The following PSEN1 variants were observed in gnomAD, a reference collection of about 807,000 sequenced individuals.
PSEN1 encodes the protein presenilin 1.
PSEN1 carries 15 observed loss-of-function variants against 53.5 expected under a neutral mutation model. The ratio of observed to expected loss-of-function variants is 0.28; its 90% CI spans 0.19 to 0.43. The LOEUF (loss-of-function observed/expected upper bound fraction) is 0.43, where lower values mean the gene tolerates loss of function less well. Among genes scored for constraint, PSEN1 ranks in the 20% least tolerant of loss-of-function variants. PSEN1 has a pLI of 1.00. For missense variants in PSEN1, 387 were observed against 571.2 expected (o/e 0.68, Z 3.29); for synonymous variants, 208 against 209.8 (o/e 0.99, Z 0.08).
chr14:73,185,559 C>T (rs570604592), intron 5 of PSEN1, among the ~76,000 whole-genome samples: 19 of 152,224 alleles, frequency 1.2e-4, no homozygotes, highest in African/African-American at 3.4e-4. Context: ...AGTCCAGCTT[C>T]GGCTCAGCAT....
At chr14:73,140,762 G>A (rs1004667772) in intron 1 of PSEN1, among the ~76,000 whole-genome samples, 35 of 152,098 alleles carry the variant, frequency 2.3e-4, no homozygotes, top group Admixed American at 4.6e-4. Context: ...CTGGACTTGC[G>A]ATTCTAAGTC....
chr14:73,195,310 C>G (rs2140099188), intron 7 of PSEN1, among the ~76,000 whole-genome samples: 1 of 152,176 alleles, frequency 6.6e-6, no homozygotes, highest in Non-Finnish European at 1.5e-5. Context: ...GTAGCTGGGA[C>G]TACAAGTGCG....
chr14:73,137,502 A>G (rs576434645), intron 1 of PSEN1, among the ~76,000 whole-genome samples: 1 of 152,206 alleles, frequency 6.6e-6, no homozygotes, highest in Admixed American at 6.5e-5. Context: ...ACAGGAATCA[A>G]TTCCATAGAT....
At chr14:73,162,148 C>T (rs1209885616) in intron 3 of PSEN1, among the ~76,000 whole-genome samples, 1 of 149,424 alleles carries the variant, frequency 6.7e-6, no homozygotes, top group Non-Finnish European at 1.5e-5. Flanking sequence ...CACTGCACTC[C>T]AGCCTGGGCA....
intron 5 of PSEN1, among the ~76,000 whole-genome samples, chr14:73,181,238 G>A (rs1442822656): frequency 6.6e-6 from 1 of 152,228 alleles, no homozygotes; most frequent in Admixed American, 6.5e-5. Context: ...TCAGAAGATC[G>A]AGACCAGCCT....
chr14:73,196,080 T>C (rs1368692010), intron 7 of PSEN1, among the ~76,000 whole-genome samples: 1 of 152,212 alleles, frequency 6.6e-6, no homozygotes, highest in African/African-American at 2.4e-5. Context: ...TTGTACCCAA[T>C]GTTTAGAGTA....
intron 7 of PSEN1, among the ~76,000 whole-genome samples, chr14:73,195,102 C>T (rs1202523030): frequency 2.0e-5 from 3 of 152,188 alleles, no homozygotes; most frequent in Non-Finnish European, 4.4e-5. Context: ...ACCATCTATT[C>T]TTGCTTAGCT....
intron 5 of PSEN1, among the ~76,000 whole-genome samples, chr14:73,179,473 C>T (rs974428042): frequency 5.3e-5 from 8 of 152,068 alleles, no homozygotes; most frequent in African/African-American, 1.9e-4. Context: ...AAAAATTAGC[C>T]AGGCATGGTG....
Position 73,138,709 on chromosome 14 carries a change from C to T in PSEN1, c.-136+2126C>T, listed in dbSNP as rs548193365. Among the ~76,000 whole-genome samples, 48 of 151,316 alleles carry T rather than the reference C, an allele frequency of 3.2e-4. No homozygotes were observed. In the East Asian group the frequency reaches 9.6e-3, roughly 30 times the overall value. ...AGCGCGGTGGCTCACCCCTGTAATC[C>T]CAGCACTTTGGGAGGCCGTGGCGGG... On this transcript the variant is annotated intron_variant, in intron 1 of 11. Coordinates refer to ENST00000324501, the MANE Select transcript of PSEN1 (RefSeq NM_000021.4).
At chr14:73,180,940 T>C (rs1595013037) in intron 5 of PSEN1, among the ~76,000 whole-genome samples, 1 of 152,382 alleles carries the variant, frequency 6.6e-6, no homozygotes, top group East Asian at 1.9e-4. Flanking sequence ...AAAAAGTTTG[T>C]ACACTTTGAT....
chr14:73,138,129 C>T (rs906240640), intron 1 of PSEN1: 6 of 151,332 alleles, frequency 4.0e-5, no homozygotes, highest in Non-Finnish European at 7.4e-5. Flanking sequence ...AATTTATTAG[C>T]ATGCAGACTG....
intron 6 of PSEN1, among the ~76,000 whole-genome samples, chr14:73,187,246 T>C (rs940267802): frequency 3.9e-5 from 6 of 152,238 alleles, no homozygotes; most frequent in African/African-American, 1.4e-4. Context: ...AAAACCAAAA[T>C]AATTGATTTT....
At chr14:73,194,319 G>A (rs1165177011) in intron 7 of PSEN1, among the ~76,000 whole-genome samples, 2 of 151,476 alleles carry the variant, frequency 1.3e-5, no homozygotes, top group Admixed American at 6.6e-5. Context: ...TGGCATGAAC[G>A]TGGCTTACTG....
chr14:73,181,804 C>T (rs557247957), intron 5 of PSEN1, among the ~76,000 whole-genome samples: 1 of 152,182 alleles, frequency 6.6e-6, no homozygotes, highest in Non-Finnish European at 1.5e-5. Flanking sequence ...GACAATGTCT[C>T]ACTTTGTCAG....
chr14:73,185,644 A>T (rs2140076888), intron 5 of PSEN1, among the ~76,000 whole-genome samples: 1 of 152,290 alleles, frequency 6.6e-6, no homozygotes, highest in South Asian at 2.1e-4. Context: ...GAGAGCGCTT[A>T]AAACAATTTT....
chr14:73,211,556 G>A (rs1221295685), intron 9 of PSEN1, among the ~76,000 whole-genome samples: 1 of 152,148 alleles, frequency 6.6e-6, no homozygotes, highest in Non-Finnish European at 1.5e-5. Flanking sequence ...GTGGGAGGGG[G>A]TGGGAACCCA....
intron 5 of PSEN1, among the ~76,000 whole-genome samples, chr14:73,183,885 T>C (rs1188600800): frequency 1.3e-4 from 17 of 128,356 alleles, no homozygotes; most frequent in African/African-American, 3.1e-4. Context: ...CGGGCAGAGG[T>C]GCCCCTCACC....
In PSEN1 at chr14:73,217,125, G is replaced by A; in HGVS notation, c.1130-1G>A. On this transcript the variant is annotated splice_acceptor_variant, in intron 10 of 11. Coordinates refer to ENST00000324501, the MANE Select transcript of PSEN1 (RefSeq NM_000021.4). LOFTEE classifies it high-confidence loss of function. The stretch of plus-strand genomic sequence containing the variant: ...TAATATTTGTAACCTTTCCTTTTTA[G>A]GGGGAGTAAAACTTGGATTGGGAGA... 1 of 1,614,068 alleles carries A rather than the reference G, an allele frequency of 6.2e-7. No homozygotes were observed. The highest frequency in any genetic ancestry group is 8.5e-7 in the Non-Finnish European group (1 of 1,179,936).
Position 73,173,684 on chromosome 14 carries a change from C to T in PSEN1, c.457C>T (p.Leu153=), listed in dbSNP as rs63751441. 1.6e-5 allele frequency: 26 copies of T among 1,613,958 alleles called. No individual in the cohort carries two copies. In the Middle Eastern group the frequency reaches 1.3e-3, roughly 82 times the overall value. ...IVVMTILLVV[L]YKYRCYKVIH... ...TGTCATGACTATCCTCCTGGTGGTTCTGTATAAATACAGGTGCTATAAGGT... is the reference window on the plus strand; with the variant it reads ...TGTCATGACTATCCTCCTGGTGGTTTTGTATAAATACAGGTGCTATAAGGT... The change falls in exon 5 of 12, where the codon CTG becomes TTG. Residue 153 remains leucine, a synonymous_variant. Transcript: ENST00000324501.
Sources: gnomAD v4.1 joint callset for allele counts (sites outside exome capture counted in the v4.1 genomes callset) on GRCh38, gnomAD v4.1.1 for gene constraint, MANE v1.5 for transcripts, NCBI Gene and HGNC (gene_info 2026-07-23, HGNC 2026-07-21) for gene names.